The following HMGN3 variants were observed in gnomAD, a reference collection of about 807,000 sequenced individuals.
HMGN3 encodes the protein high mobility group nucleosome-binding domain-containing protein 3.
Under a neutral mutation model 18.8 loss-of-function variants are expected in HMGN3, and 6 were observed. The ratio of observed to expected loss-of-function variants is 0.32; its 90% CI spans 0.18 to 0.63. HMGN3 has a LOEUF of 0.63. HMGN3 is among the 30% of genes least tolerant of loss of function. HMGN3 has a pLI of 0.79. For synonymous variants in HMGN3, 40 were observed against 36.5 expected (o/e 1.10, Z -0.35); for missense variants, 107 against 114.2 (o/e 0.94, Z 0.29).
intron 4 of HMGN3, 76 bp downstream of exon 4, chr6:79,203,504 T>G (rs1216426193): frequency 1.6e-6 from 2 of 1,242,036 alleles, no homozygotes; most frequent in Non-Finnish European, 2.4e-6. Flanking sequence ...CGGCCTTTCT[T>G]TGAATGATTC....
At chr6:79,218,690 T>G (rs554810222) in intron 1 of HMGN3, among the ~76,000 whole-genome samples, 12 of 152,296 alleles carry the variant, frequency 7.9e-5, no homozygotes, top group African/African-American at 2.9e-4. Context: ...GTAATTTGAC[T>G]GGGAAAGACA....
At chr6:79,203,311 G>GC (rs1335937911) in intron 4 of HMGN3, among the ~76,000 whole-genome samples, 1 of 152,148 alleles carries the variant, frequency 6.6e-6, no homozygotes. Context: ...CGCATGAACC[G>GC]CATGTTCACG....
At chr6:79,233,167 T>C (rs989982146) in intron 1 of HMGN3, among the ~76,000 whole-genome samples, 4 of 152,228 alleles carry the variant, frequency 2.6e-5, no homozygotes, top group African/African-American at 9.6e-5. Context: ...GGACAATTTA[T>C]GTCTTTAAGT....
Position 79,201,699 on chromosome 6 carries a change from C to A in HMGN3, c.289G>T (p.Glu97Ter). 6.3e-7 allele frequency: 1 copy of A among 1,595,240 alleles called. No individual in the cohort carries two copies. The highest frequency in any genetic ancestry group is 1.1e-5 in the South Asian group (1 of 90,058). Residue 97 changes from glutamate (E) to a stop codon, truncating the protein, a stop_gained, in exon 6 of 6, where the codon GAG (glutamate) becomes TAG (stop). Transcript: ENST00000344726. LOFTEE classifies it high-confidence loss of function. ...TTTTTCATGACAATTCATTCTCCCT[C>A]GTTATCTACAGATTCAGTTTTCTGT...
intron 1 of HMGN3, 72 bp downstream of exon 1, chr6:79,234,474 G>A (rs947429455): frequency 3.4e-6 from 5 of 1,456,450 alleles, no homozygotes; most frequent in South Asian, 1.1e-5. Flanking sequence ...TTCTGCGCGA[G>A]CCATTGCAAT....
Position 79,202,269 on chromosome 6 carries a change from A to G in HMGN3, c.261+7T>C, listed in dbSNP as rs374517653. The G allele has an allele frequency of 7.1e-5, 115 of 1,613,624 alleles. No homozygotes were observed. The African/African-American group carries it at 1.2e-3, about 17-fold the overall frequency. ...TTCAATCAGTGGGAGGTATTTATGG[A>G]AAGTACCTCTTCAGCTTTAGTTTCA... is the stretch of plus-strand genomic sequence containing the variant. On this transcript the variant is annotated splice_region_variant and intron_variant, in intron 5 of 5. Transcript: ENST00000344726.
rs1008088352 is a variant in HMGN3 at position 79,202,122 on chromosome 6, T to C, written c.261+154A>G. The C allele has an allele frequency of 8.4e-6, 13 of 1,548,306 alleles. No homozygotes were observed. In the African/African-American group the frequency reaches 1.5e-4, roughly 18 times the overall value. On this transcript the variant is annotated intron_variant, in intron 5 of 5. Transcript: ENST00000344726. The stretch of plus-strand genomic sequence containing the variant: ...GTGCTGGGTGGGGTGCCTCTGGAGG[T>C]TGAGACATTAACAGTTGAGCGAGAG...
chr6:79,208,696 A>G, intron 2 of HMGN3, 120 bp from the exon 3 acceptor site: 1 of 813,754 alleles, frequency 1.2e-6, no homozygotes, highest in South Asian at 1.4e-5. Context: ...TATGATTCCC[A>G]TCACCTTCTC....
At chr6:79,218,065 A>G (rs973770840) in intron 1 of HMGN3, among the ~76,000 whole-genome samples, 32 of 152,236 alleles carry the variant, frequency 2.1e-4, no homozygotes, top group African/African-American at 6.5e-4. Context: ...GCACGTATCC[A>G]CGTCTGCAAG....
intron 1 of HMGN3, among the ~76,000 whole-genome samples, chr6:79,221,625 A>G (rs1028677887): frequency 6.6e-6 from 1 of 152,052 alleles, no homozygotes; most frequent in African/African-American, 2.4e-5. Flanking sequence ...CTCCCTCCAA[A>G]CTCAAGAAGG....
intron 1 of HMGN3, among the ~76,000 whole-genome samples, chr6:79,225,937 C>A (rs987723113): frequency 2.0e-5 from 3 of 152,144 alleles, no homozygotes; most frequent in Admixed American, 6.5e-5. Flanking sequence ...ATGGCACCAG[C>A]CTATATTGTA....
chr6:79,222,155 T>C (rs1050243738), intron 1 of HMGN3, among the ~76,000 whole-genome samples: 2 of 152,208 alleles, frequency 1.3e-5, no homozygotes, highest in Non-Finnish European at 2.9e-5. Context: ...ATGGTATATA[T>C]AACAGTGCAA....
At chr6:79,213,831 C>T (rs766765797) in intron 2 of HMGN3, among the ~76,000 whole-genome samples, 4 of 152,184 alleles carry the variant, frequency 2.6e-5, no homozygotes, top group Non-Finnish European at 5.9e-5. Flanking sequence ...TTATGAATCA[C>T]CCAATCAAAG....
chr6:79,229,801 C>T (rs965922894), intron 1 of HMGN3, among the ~76,000 whole-genome samples: 1 of 152,060 alleles, frequency 6.6e-6, no homozygotes, highest in African/African-American at 2.4e-5. Context: ...TGGTGTGAAC[C>T]CGGGAGGCGG....
chr6:79,212,043 T>TTA (rs1554164669), intron 2 of HMGN3, among the ~76,000 whole-genome samples: 2 of 143,770 alleles, frequency 1.4e-5, no homozygotes, highest in South Asian at 2.2e-4. Flanking sequence ...CTTTTAATTC[T>TTA]AAAAAAAAAA....
intron 1 of HMGN3, among the ~76,000 whole-genome samples, chr6:79,215,976 T>C (rs749802912): frequency 9.2e-5 from 14 of 152,190 alleles, no homozygotes; most frequent in Non-Finnish European, 8.8e-5. Context: ...AAACTGACAT[T>C]TGACACGATG....
At chr6:79,232,387 A>G (rs999862718) in intron 1 of HMGN3, among the ~76,000 whole-genome samples, 5 of 152,152 alleles carry the variant, frequency 3.3e-5, no homozygotes, top group African/African-American at 1.2e-4. Flanking sequence ...GTACCAACTG[A>G]GGTCGTTAGG....
intron 1 of HMGN3, among the ~76,000 whole-genome samples, chr6:79,226,660 A>T (rs1777582111): frequency 6.6e-6 from 1 of 152,222 alleles, no homozygotes; most frequent in Non-Finnish European, 1.5e-5. Flanking sequence ...TTTGATATTA[A>T]TTCAATTTTA....
chr6:79,202,347 T>C lies in HMGN3; in HGVS notation c.190A>G (p.Lys64Glu), dbSNP rs200614084. ...TTTCCAGCTTCCTGCTTTTCCTCCT[T>C]CTTCCCTTTAGCACCTCTGCTAATC... is the stretch of plus-strand genomic sequence containing the variant. Residue 64 changes from lysine to glutamate, a missense_variant, in exon 5 of 6, where the codon AAG (lysine) becomes GAG (glutamate). Physicochemically the swap from Lys to Glu is moderately conservative, Grantham distance 56. Coordinates refer to ENST00000344726, the Ensembl canonical transcript of HMGN3. 3.1e-4 allele frequency: 508 copies of C among 1,614,142 alleles called. 2 individuals are homozygous for C. Among genetic ancestry groups the C allele is most frequent in the Middle Eastern group, 9.9e-4 (6 of 6,062 alleles).
Sources: gnomAD v4.1 joint callset for allele counts (sites outside exome capture counted in the v4.1 genomes callset) on GRCh38, gnomAD v4.1.1 for gene constraint, MANE v1.5 for transcripts, NCBI Gene and HGNC (gene_info 2026-07-23, HGNC 2026-07-21) for gene names.